ARNT: variants seen among roughly 807,000 people sequenced by gnomAD.
The protein encoded by ARNT is aryl hydrocarbon receptor nuclear translocator, also known as class E basic helix-loop-helix protein 2.
A neutral mutation model predicts 105.0 loss-of-function variants in ARNT; 30 were observed. The ratio of observed to expected loss-of-function variants is 0.29; its 90% CI spans 0.21 to 0.39. The LOEUF is 0.39. ARNT is among the 10% of genes least tolerant of loss of function. ARNT has a pLI of 1.00. For missense variants in ARNT, 748 were observed against 978.7 expected (o/e 0.76, Z 3.15); for synonymous variants, 304 against 344.0 (o/e 0.88, Z 1.29).
chr1:150,865,512 GA>G (rs1223218340), intron 1 of ARNT, among the ~76,000 whole-genome samples: 2 of 152,150 alleles, frequency 1.3e-5, no homozygotes, highest in East Asian at 3.8e-4. Context: ...TGAATGAAGT[GA>G]AAATAAGGAG....
intron 1 of ARNT, among the ~76,000 whole-genome samples, chr1:150,875,656 G>C (rs1013975783): frequency 2.0e-5 from 3 of 152,194 alleles, no homozygotes; most frequent in Non-Finnish European, 4.4e-5. Context: ...CTGTAACATA[G>C]AGGAAAGAGG....
intron 1 of ARNT, among the ~76,000 whole-genome samples, chr1:150,870,206 A>C (rs1185859459): frequency 1.3e-5 from 2 of 152,224 alleles, no homozygotes; most frequent in Admixed American, 6.5e-5. Flanking sequence ...AAGAATAATA[A>C]TACTTACCTA....
chr1:150,863,942 T>A (rs1253592035), intron 1 of ARNT, among the ~76,000 whole-genome samples: 1 of 152,086 alleles, frequency 6.6e-6, no homozygotes. Flanking sequence ...CTGAGAAATG[T>A]GTCATTAGGA....
At chr1:150,861,657 C>T (rs1488097507) in intron 1 of ARNT, among the ~76,000 whole-genome samples, 2 of 152,116 alleles carry the variant, frequency 1.3e-5, no homozygotes, top group East Asian at 3.9e-4. Context: ...AAAAAATGAA[C>T]AAAATTGGCC....
intron 14 of ARNT, among the ~76,000 whole-genome samples, chr1:150,819,437 T>A (rs1656614916): frequency 6.6e-6 from 1 of 152,196 alleles, no homozygotes; most frequent in Non-Finnish European, 1.5e-5. Flanking sequence ...CAAATATTCA[T>A]GAAAGCATTT....
chr1:150,870,735 T>C (rs587607234), intron 1 of ARNT, among the ~76,000 whole-genome samples: 2 of 152,012 alleles, frequency 1.3e-5, no homozygotes, highest in Admixed American at 6.6e-5. Context: ...TCTCAAACTT[T>C]TGGGCTCAAG....
intron 1 of ARNT, among the ~76,000 whole-genome samples, chr1:150,870,863 C>T (rs971388040): frequency 2.8e-4 from 42 of 151,576 alleles, no homozygotes; most frequent in Non-Finnish European, 4.4e-5. Context: ...ACAATGAAAA[C>T]GTGGAGGGAA....
chr1:150,816,451 T>C (rs1031315738), intron 18 of ARNT, 45 bp from the exon 19 acceptor site: 36 of 1,578,252 alleles, frequency 2.3e-5, no homozygotes, highest in Non-Finnish European at 2.9e-5. Context: ...GATAGATTTA[T>C]CACAGAAGCT....
At chr1:150,852,891 G>A in intron 2 of ARNT, 85 bp from the exon 3 acceptor site, 1 of 1,493,508 alleles carries the variant, frequency 6.7e-7, no homozygotes, top group South Asian at 1.2e-5. Flanking sequence ...CAAGCTACCG[G>A]AACACCCACC....
rs1478402827 is a variant in ARNT at position 150,811,483 on chromosome 1, C to CAT, written c.*537_*538insAT. 5 of 218,282 alleles carry CAT rather than the reference C, an allele frequency of 2.3e-5. No individual in the cohort carries two copies. The highest frequency in any genetic ancestry group is 3.5e-5 in the Non-Finnish European group (4 of 115,138). The allele number at this position is 218,282 out of a possible 1,614,324, so 13.5% of individuals were successfully genotyped here. A position where few individuals can be genotyped will look rare whatever the true frequency, so the allele number is the denominator to read the frequency against. On this transcript the variant is annotated 3_prime_UTR_variant, in exon 22 of 22. Transcript: ENST00000358595. ...GCACACACACACACACACACATACACACACACTCTCTCTCACTTACTCACA... is the reference window on the plus strand; with the variant it reads ...GCACACACACACACACACACATACACATACACACTCTCTCTCACTTACTCACA...
At chr1:150,824,806 GT>G (rs1390909584) in intron 13 of ARNT, among the ~76,000 whole-genome samples, 8 of 151,940 alleles carry the variant, frequency 5.3e-5, no homozygotes, top group Admixed American at 5.2e-4. Context: ...ATAAAATTAA[GT>G]TGGCTTTAGT....
intron 1 of ARNT, among the ~76,000 whole-genome samples, chr1:150,863,093 G>A (rs587743319): frequency 6.6e-6 from 1 of 151,518 alleles, no homozygotes; most frequent in African/African-American, 2.4e-5. Context: ...GCCAGGCACG[G>A]TGGCTGATGC....
chr1:150,836,269 A>C lies in ARNT; in HGVS notation c.700+11T>G. 1.2e-6 allele frequency: 2 copies of C among 1,613,216 alleles called. No individual in the cohort carries two copies. The highest frequency in any genetic ancestry group is 2.2e-5 in the South Asian group (2 of 91,060). ...GACTTCTCATTCATTTCCCATACAC[A>C]TAACTCTCACCTGTCAGGGCATTTT... On this transcript the variant is annotated intron_variant, in intron 7 of 21. Coordinates refer to ENST00000358595, the MANE Select transcript of ARNT (RefSeq NM_001668.4).
At chr1:150,873,426 G>T (rs895387012) in intron 1 of ARNT, among the ~76,000 whole-genome samples, 5 of 151,576 alleles carry the variant, frequency 3.3e-5, no homozygotes, top group Admixed American at 3.3e-4. Flanking sequence ...AAAAATGATA[G>T]AATATGAAGA....
chr1:150,820,561 G>A (rs750267263), intron 14 of ARNT, among the ~76,000 whole-genome samples: 1 of 152,174 alleles, frequency 6.6e-6, no homozygotes, highest in Non-Finnish European at 1.5e-5. Context: ...GGGGACTGAG[G>A]TGGGAGGATC....
intron 1 of ARNT, among the ~76,000 whole-genome samples, chr1:150,873,560 G>T (rs1364709541): frequency 6.6e-6 from 1 of 152,016 alleles, no homozygotes; most frequent in Non-Finnish European, 1.5e-5. Flanking sequence ...GAAGAACGTG[G>T]TCCCCTTGAA....
chr1:150,852,613 A>G (rs780231168), intron 3 of ARNT, 149 bp downstream of exon 3: 77 of 687,380 alleles, frequency 1.1e-4, no homozygotes, highest in Non-Finnish European at 1.6e-4. Flanking sequence ...CGGAATGCTT[A>G]AAAATTTTCT....
rs1665908779 is a variant in ARNT at position 150,862,945 on chromosome 1, G to C, written c.26-4485C>G. On this transcript the variant is annotated intron_variant, in intron 1 of 21. Coordinates refer to ENST00000358595, the MANE Select transcript of ARNT (RefSeq NM_001668.4). ...GCACACCTGTAGTCCCAGCTACTCG[G>C]GAGGCTGAGGCAGAAGAATCGCTTG... Among the ~76,000 whole-genome samples, 3 of 151,704 alleles carry C rather than the reference G, an allele frequency of 2.0e-5. No individual in the cohort carries two copies. The South Asian group carries it at 6.3e-4, about 32-fold the overall frequency.
At chr1:150,852,727 A>T in intron 3 of ARNT, 35 bp downstream of exon 3, 1 of 1,574,986 alleles carries the variant, frequency 6.3e-7, no homozygotes. Flanking sequence ...AATTTTTAAT[A>T]TCAGACATCT....
Sources: gnomAD v4.1 joint callset for allele counts (sites outside exome capture counted in the v4.1 genomes callset) on GRCh38, gnomAD v4.1.1 for gene constraint, MANE v1.5 for transcripts, NCBI Gene and HGNC (gene_info 2026-07-23, HGNC 2026-07-21) for gene names.